Variants in EEA1 observed in about 807,000 individuals in gnomAD.
EEA1 encodes early endosome antigen 1.
Under a neutral mutation model 209.2 loss-of-function variants are expected in EEA1, and 111 were observed. The observed-to-expected ratio is 0.53, with a 90% confidence interval of 0.45 to 0.62. EEA1 has a LOEUF of 0.62. Ranked by LOEUF, EEA1 falls within the 20% of genes least tolerant of loss-of-function variation. The probability of loss-of-function intolerance (pLI) is 0.00; values close to 1 mark genes in which losing one functional copy is unlikely to be tolerated. For missense variants in EEA1, 1,343 were observed against 1,530.8 expected, an observed-to-expected ratio of 0.88 and a Z score of 2.05; for synonymous variants, 536 against 540.6, an observed-to-expected ratio of 0.99 and a Z score of 0.12.
chr12:92,901,783 G>A (rs992520252), intron 1 of EEA1, among the ~76,000 whole-genome samples: 2 of 151,846 alleles, frequency 1.3e-5, no homozygotes, highest in East Asian at 3.9e-4. Flanking sequence ...TGGTCAATCT[G>A]GTCACAAACT....
At chr12:92,860,999 T>C (rs1171958295) in intron 3 of EEA1, among the ~76,000 whole-genome samples, 1 of 152,036 alleles carries the variant, frequency 6.6e-6, no homozygotes, top group Admixed American at 6.6e-5. Context: ...CACAAAACAC[T>C]GCTTATTTCT....
At chr12:92,899,980 C>T (rs1229711078) in intron 1 of EEA1, among the ~76,000 whole-genome samples, 1 of 152,170 alleles carries the variant, frequency 6.6e-6, no homozygotes, top group Non-Finnish European at 1.5e-5. Flanking sequence ...TTATCTTCCA[C>T]ATCTTGAGTA....
At chr12:92,926,588 G>A (rs912512728) in intron 1 of EEA1, among the ~76,000 whole-genome samples, 4 of 152,124 alleles carry the variant, frequency 2.6e-5, no homozygotes, top group African/African-American at 9.7e-5. Context: ...CCAACTACAA[G>A]ATAAAAGCTG....
At chr12:92,867,740 C>G (rs1008447112) in intron 2 of EEA1, among the ~76,000 whole-genome samples, 1 of 152,108 alleles carries the variant, frequency 6.6e-6, no homozygotes, top group Non-Finnish European at 1.5e-5. Context: ...ATTACAGGAA[C>G]ACAGGAGAAG....
At position 92,771,049 on chromosome 12, in the gene EEA1, T is replaced by C. The variant is rs1592693058; in HGVS notation, c.*4962A>G. The C allele has an allele frequency of 6.6e-6, 1 of 151,800 alleles. No homozygotes were observed. Among genetic ancestry groups the C allele is most frequent in the East Asian group, 1.9e-4 (1 of 5,170 alleles). 9.4% of individuals were successfully genotyped at this position (151,800 alleles called of 1,614,324 possible). A position where few individuals can be genotyped will look rare whatever the true frequency, so the allele number is the denominator to read the frequency against. Reference sequence around the variant, plus strand: ...AGCACAGTACAGTCACTTAATTTTATTTGGCAGGACTTCAAATTTCTTCAG... The same window carrying C: ...AGCACAGTACAGTCACTTAATTTTACTTGGCAGGACTTCAAATTTCTTCAG... On this transcript the variant is annotated 3_prime_UTR_variant, in exon 29 of 29. Coordinates refer to ENST00000322349, the MANE Select transcript of EEA1 (RefSeq NM_003566.4).
intron 15 of EEA1, among the ~76,000 whole-genome samples, chr12:92,814,614 G>A (rs948567666): frequency 1.3e-4 from 18 of 141,870 alleles, no homozygotes; most frequent in African/African-American, 4.6e-4. Flanking sequence ...GGCGGGGGGG[G>A]AAATGTGGCT....
At chr12:92,855,326 A>G (rs1223022992) in intron 5 of EEA1, among the ~76,000 whole-genome samples, 2 of 152,072 alleles carry the variant, frequency 1.3e-5, no homozygotes, top group African/African-American at 4.8e-5. Flanking sequence ...GCTACTAGGA[A>G]GGCTGAGGCA....
rs900121669 is a variant in EEA1, at chr12:92,771,222, A to G, written c.*4789T>C. On this transcript the variant is annotated 3_prime_UTR_variant, in exon 29 of 29. Coordinates refer to ENST00000322349, the MANE Select transcript of EEA1 (RefSeq NM_003566.4). ...CCATTTCAGAATCGTACCTTTTGCAATTTGCAAAGTGAAAGTAGTAAATTT... is the reference window on the plus strand; with the variant it reads ...CCATTTCAGAATCGTACCTTTTGCAGTTTGCAAAGTGAAAGTAGTAAATTT... 1.3e-5 allele frequency: 2 copies of G among 152,080 alleles called. No individual in the cohort carries two copies. The highest frequency in any genetic ancestry group is 2.9e-5 in the Non-Finnish European group (2 of 67,946). 9.4% of individuals were successfully genotyped at this position (152,080 alleles called of 1,614,324 possible). A position where few individuals can be genotyped will look rare whatever the true frequency, so the allele number is the denominator to read the frequency against.
At chr12:92,792,743 T>C (rs1434921189) in intron 21 of EEA1, among the ~76,000 whole-genome samples, 1 of 152,070 alleles carries the variant, frequency 6.6e-6, no homozygotes, top group Non-Finnish European at 1.5e-5. Context: ...ACTATTCCAA[T>C]CAACAGAAAA....
chr12:92,816,497 AT>A (rs1348338099), intron 14 of EEA1, 97 bp from the exon 15 acceptor site: 2 of 1,123,956 alleles, frequency 1.8e-6, no homozygotes, highest in Non-Finnish European at 2.5e-6. Context: ...AAAGTGCTTT[AT>A]GATAGTTTAT....
At chr12:92,814,958 G>A (rs1367740478) in intron 15 of EEA1, among the ~76,000 whole-genome samples, 4 of 152,224 alleles carry the variant, frequency 2.6e-5, no homozygotes, top group African/African-American at 9.6e-5. Flanking sequence ...ATACCCTTTG[G>A]CTAAGCACTT....
chr12:92,922,426 G>C (rs1354499391), intron 1 of EEA1, among the ~76,000 whole-genome samples: 1 of 152,184 alleles, frequency 6.6e-6, no homozygotes, highest in Non-Finnish European at 1.5e-5. Flanking sequence ...CTGAGGGCCA[G>C]AGGTCCAGAA....
At chr12:92,921,114 G>C (rs961912893) in intron 1 of EEA1, among the ~76,000 whole-genome samples, 8 of 152,152 alleles carry the variant, frequency 5.3e-5, no homozygotes, top group South Asian at 2.1e-4. Flanking sequence ...TGCTGGAGAG[G>C]ATGTGGAGAA....
intron 18 of EEA1, among the ~76,000 whole-genome samples, chr12:92,805,340 T>C (rs1345411648): frequency 1.3e-5 from 2 of 152,066 alleles, no homozygotes; most frequent in Admixed American, 1.3e-4. Flanking sequence ...AAAATGAGAA[T>C]ATTTTCACCA....
intron 18 of EEA1, among the ~76,000 whole-genome samples, chr12:92,804,321 C>T (rs1171362525): frequency 2.0e-5 from 3 of 151,966 alleles, no homozygotes; most frequent in Admixed American, 2.0e-4. Flanking sequence ...GCCTGTAATC[C>T]CAGCACTGTG....
intron 1 of EEA1, among the ~76,000 whole-genome samples, chr12:92,903,529 C>T (rs1156927584): frequency 4.6e-5 from 7 of 150,828 alleles, no homozygotes; most frequent in Non-Finnish European, 7.4e-5. Flanking sequence ...ACCCAGGAGG[C>T]GAAGGTTGTG....
chr12:92,791,092 C>T (rs1476151211), intron 21 of EEA1, among the ~76,000 whole-genome samples: 1 of 152,142 alleles, frequency 6.6e-6, no homozygotes, highest in East Asian at 1.9e-4. Flanking sequence ...TTGTCACCAC[C>T]AGGCCTGCTT....
intron 21 of EEA1, among the ~76,000 whole-genome samples, chr12:92,792,703 C>G (rs112156485): frequency 0.019 from 2,831 of 152,208 alleles, 97 homozygotes; most frequent in African/African-American, 0.063. Flanking sequence ...ACCAGAGATA[C>G]AAAGAGGAGC....
At position 92,925,816 on chromosome 12, in the gene EEA1, G is replaced by A. The variant is rs571924779; in HGVS notation, c.24+3227C>T. On this transcript the variant is annotated intron_variant, in intron 1 of 28. Coordinates refer to ENST00000322349, the MANE Select transcript of EEA1 (RefSeq NM_003566.4). Reference sequence around the variant, plus strand: ...CAGGAGAACCAGAAACCAAATTTCCGTAAAGTATCCTGAGACTTATTGATG... The same window carrying A: ...CAGGAGAACCAGAAACCAAATTTCCATAAAGTATCCTGAGACTTATTGATG... Among the ~76,000 whole-genome samples, 15 of 152,240 alleles carry A rather than the reference G, an allele frequency of 9.9e-5. No individual in the cohort carries two copies. The East Asian group carries it at 1.7e-3, about 18-fold the overall frequency.
Sources: gnomAD v4.1 joint callset for allele counts (sites outside exome capture counted in the v4.1 genomes callset) on GRCh38, gnomAD v4.1.1 for gene constraint, MANE v1.5 for transcripts, NCBI Gene and HGNC (gene_info 2026-07-23, HGNC 2026-07-21) for gene names.